The following COQ5 variants were observed in gnomAD, a reference collection of about 807,000 sequenced individuals.
COQ5 encodes the protein coenzyme Q5, methyltransferase.
Under a neutral mutation model 40.5 loss-of-function variants are expected in COQ5, and 27 were observed. The ratio of observed to expected loss-of-function variants is 0.67; its 90% CI spans 0.49 to 0.92. COQ5 has a LOEUF of 0.92. COQ5 is among the 40% of genes least tolerant of loss of function. The pLI is 0.00. For synonymous variants in COQ5, 141 were observed against 150.0 expected (o/e 0.94, Z 0.44); for missense variants, 409 against 406.4 (o/e 1.01, Z -0.06).
At chr12:120,504,549 A>C in intron 5 of COQ5, 1 of 255,786 alleles carries the variant, frequency 3.9e-6, no homozygotes, top group South Asian at 2.9e-5. Flanking sequence ...CACTTGGCCC[A>C]AATTTCCTGA....
Position 120,522,107 on chromosome 12 carries a change from C to T in COQ5, c.352+107G>A, listed in dbSNP as rs141011478. The T allele has an allele frequency of 8.6e-4, 985 of 1,149,958 alleles. 2 individuals carry two copies. The highest frequency in any genetic ancestry group is 1.0e-3 in the Non-Finnish European group (816 of 788,278). The allele number at this position is 1,149,958 out of a possible 1,614,324, so 71.2% of individuals were successfully genotyped here. A position where few individuals can be genotyped will look rare whatever the true frequency, so the allele number is the denominator to read the frequency against. ...CAGAAGTTATAAGTATGCAGATTTT[C>T]AATCACCATCTTCCGCCTCGTGTTA... On this transcript the variant is annotated intron_variant, in intron 2 of 6. Transcript: ENST00000288532.
At position 120,529,033 on chromosome 12, in the gene COQ5, GGTCCCCGGGCCAAGA is replaced by G; in HGVS notation, c.94_108del (p.Ser32_Asp36del). Reference sequence around the variant, plus strand: ...TGGGACAAGAGCCGAGCACTTAGTAGGTCCCCGGGCCAAGAGCTACGAAGCCCGAGGAGCTGGCAG... The same window carrying G: ...TGGGACAAGAGCCGAGCACTTAGTAGGCTACGAAGCCCGAGGAGCTGGCAG... On this transcript the variant is annotated inframe_deletion, in exon 1 of 7. Coordinates refer to ENST00000288532, the MANE Select transcript of COQ5 (RefSeq NM_032314.4). The G allele has an allele frequency of 6.2e-7, 1 of 1,614,094 alleles. No individual in the cohort carries two copies. The highest frequency in any genetic ancestry group is 8.5e-7 in the Non-Finnish European group (1 of 1,180,024).
chr12:120,527,505 G>T (rs1243779687), intron 1 of COQ5: 1 of 152,050 alleles, frequency 6.6e-6, no homozygotes, highest in Non-Finnish European at 1.5e-5. Flanking sequence ...CATTGATTAA[G>T]GTCATTGTGT....
chr12:120,525,767 A>G (rs1202482772), intron 1 of COQ5, among the ~76,000 whole-genome samples: 1 of 151,920 alleles, frequency 6.6e-6, no homozygotes, highest in Non-Finnish European at 1.5e-5. Context: ...TACTAAAAAT[A>G]CAAAAAAACT....
At chr12:120,520,122 T>A (rs933702462) in intron 2 of COQ5, among the ~76,000 whole-genome samples, 4 of 151,234 alleles carry the variant, frequency 2.6e-5, no homozygotes, top group Non-Finnish European at 5.9e-5. Context: ...ATTATTCTAA[T>A]GTAATTTTAT....
At chr12:120,519,666 T>C (rs1486054627) in intron 2 of COQ5, among the ~76,000 whole-genome samples, 2 of 150,870 alleles carry the variant, frequency 1.3e-5, no homozygotes, top group African/African-American at 2.4e-5. Flanking sequence ...AGGCTGGGAG[T>C]TCAAGACCAG....
intron 2 of COQ5, 29 bp downstream of exon 2, chr12:120,522,185 G>A (rs1277809045): frequency 6.2e-7 from 1 of 1,613,262 alleles, no homozygotes; most frequent in Admixed American, 1.7e-5. Flanking sequence ...ATGCTCAATG[G>A]TAGTGAAGGA....
chr12:120,514,745 A>AAACAACAACAACAACAAC (rs375392327), intron 3 of COQ5, among the ~76,000 whole-genome samples: 109 of 147,928 alleles, frequency 7.4e-4, no homozygotes, highest in Non-Finnish European at 1.1e-3. Flanking sequence ...TCTGTCTCAG[A>AAACAACAACAACAACAAC]AACAACAACA....
chr12:120,513,664 C>T (rs1039286315), intron 3 of COQ5, among the ~76,000 whole-genome samples: 9 of 151,012 alleles, frequency 6.0e-5, no homozygotes, highest in East Asian at 2.0e-4. Context: ...GGATTACAGG[C>T]GCGCACCACC....
intron 1 of COQ5, among the ~76,000 whole-genome samples, chr12:120,525,421 T>A (rs986822642): frequency 1.3e-5 from 2 of 151,944 alleles, no homozygotes; most frequent in African/African-American, 4.8e-5. Context: ...TCTTTTGGGG[T>A]GTCTGGGGGA....
intron 1 of COQ5, chr12:120,523,423 G>T: frequency 2.5e-6 from 1 of 406,108 alleles, no homozygotes; most frequent in South Asian, 2.0e-5. Context: ...TGTGTGTGGT[G>T]TGGTTCTTAG....
intron 2 of COQ5, among the ~76,000 whole-genome samples, chr12:120,521,064 GTTTTT>G (rs35534303): frequency 3.2e-5 from 4 of 123,700 alleles, no homozygotes; most frequent in Non-Finnish European, 6.6e-5. Context: ...GTAATCCTGC[GTTTTT>G]TTTTTTTTTT....
chr12:120,525,140 C>T (rs573169748), intron 1 of COQ5, among the ~76,000 whole-genome samples: 1 of 152,202 alleles, frequency 6.6e-6, no homozygotes, highest in African/African-American at 2.4e-5. Context: ...AGCTCTGTCG[C>T]CCAGGCTGGG....
At chr12:120,526,668 T>C (rs1869959162) in intron 1 of COQ5, 1 of 240,300 alleles carries the variant, frequency 4.2e-6, no homozygotes, top group Non-Finnish European at 8.4e-6. Flanking sequence ...GACAAGAAGG[T>C]GGCAAATAGT....
In COQ5 at chr12:120,516,799, C is replaced by G. The variant is rs1223863595; in HGVS notation, c.353-11G>C. Reference sequence around the variant, plus strand: ...GGAATGCAATGTCACCTGTGGGAAGCCAACATGAGGAAAGATGCAGACTAA... The same window carrying G: ...GGAATGCAATGTCACCTGTGGGAAGGCAACATGAGGAAAGATGCAGACTAA... On this transcript the variant is annotated splice_polypyrimidine_tract_variant and intron_variant, in intron 2 of 6. Coordinates refer to ENST00000288532, the MANE Select transcript of COQ5 (RefSeq NM_032314.4). 3.7e-6 allele frequency: 6 copies of G among 1,608,188 alleles called. No individual in the cohort carries two copies. The highest frequency in any genetic ancestry group is 5.1e-6 in the Non-Finnish European group (6 of 1,174,752).
intron 1 of COQ5, among the ~76,000 whole-genome samples, chr12:120,525,065 C>T (rs569076298): frequency 6.6e-6 from 1 of 151,810 alleles, no homozygotes; most frequent in Non-Finnish European, 1.5e-5. Context: ...GCCTTGGCTT[C>T]CCAAAGTGTT....
intron 3 of COQ5, among the ~76,000 whole-genome samples, chr12:120,512,146 C>G (rs1292549780): frequency 6.6e-6 from 1 of 151,846 alleles, no homozygotes; most frequent in Non-Finnish European, 1.5e-5. Context: ...GGAGGTGGAG[C>G]TTGCAGTGAG....
At position 120,508,184 on chromosome 12, in the gene COQ5, C is replaced by T. The variant is rs187263620; in HGVS notation, c.681+1833G>A. 6.3e-4 allele frequency among the ~76,000 whole-genome samples: 96 copies of T among 151,982 alleles called. No individual in the cohort carries two copies. The East Asian group carries it at 0.015, about 24-fold the overall frequency. ...CTAATTTTTGTATTTTTAGTAGAGA[C>T]GGGGTTTCACCATGTTGGCCAGGAT... is the stretch of plus-strand genomic sequence containing the variant. On this transcript the variant is annotated intron_variant, in intron 4 of 6. Coordinates refer to ENST00000288532, the MANE Select transcript of COQ5 (RefSeq NM_032314.4).
rs1309287867 is a variant in COQ5 at position 120,518,798 on chromosome 12, C to T, written c.353-2010G>A. ...CAGGCTGGTCTCAGACTCCTGACCT[C>T]GTGATCCACACGCCTCAGCCTCCCA... On this transcript the variant is annotated intron_variant, in intron 2 of 6. Transcript: ENST00000288532. 2.6e-5 allele frequency among the ~76,000 whole-genome samples: 4 copies of T among 152,196 alleles called. No individual in the cohort carries two copies. The South Asian group carries it at 6.2e-4, about 24-fold the overall frequency.
Sources: gnomAD v4.1 joint callset for allele counts (sites outside exome capture counted in the v4.1 genomes callset) on GRCh38, gnomAD v4.1.1 for gene constraint, MANE v1.5 for transcripts, NCBI Gene and HGNC (gene_info 2026-07-23, HGNC 2026-07-21) for gene names.